Variants in PIR observed in about 807,000 individuals in gnomAD.
The protein encoded by PIR is pirin.
PIR carries 22 observed loss-of-function variants against 24.2 expected under a neutral mutation model. That is an observed-to-expected ratio of 0.91 (90% CI 0.65 to 1.30). The LOEUF (loss-of-function observed/expected upper bound fraction) is 1.30. Ranked by LOEUF, PIR falls within the 50% of genes most tolerant of loss-of-function variation. The pLI is 0.00. For synonymous variants in PIR, 80 were observed against 79.6 expected, an observed-to-expected ratio of 1.00 and a Z score of -0.03; for missense variants, 220 against 220.3, an observed-to-expected ratio of 1.00 and a Z score of 0.01.
intron 7 of PIR, among the ~76,000 whole-genome samples, chrX:15,404,000 T>C (rs1282248720): frequency 9.1e-6 from 1 of 109,997 alleles, no homozygotes; most frequent in African/African-American, 3.3e-5. Context: ...TTTCTTTTTT[T>C]TTTTTTTTTC....
rs1038708008 is a variant in PIR, at chrX:15,394,804, A to G, written c.693+2645T>C. 2.7e-5 allele frequency among the ~76,000 whole-genome samples: 3 copies of G among 112,069 alleles called. No homozygotes were observed. The Admixed American group carries it at 2.8e-4, about 11-fold the overall frequency. On this transcript the variant is annotated intron_variant, in intron 8 of 9. Coordinates refer to ENST00000380420, the MANE Select transcript of PIR (RefSeq NM_001018109.3). ...TGATTCCAATCTCTAAGAACTCTGA[A>G]AAAGTTCTAAGATGGAACAGGGAAA... is the stretch of plus-strand genomic sequence containing the variant.
intron 5 of PIR, among the ~76,000 whole-genome samples, chrX:15,449,324 G>A (rs758170473): frequency 4.5e-5 from 5 of 111,694 alleles, no homozygotes; most frequent in African/African-American, 9.8e-5. Flanking sequence ...TGATTCATGC[G>A]GATATTTCCT....
intron 3 of PIR, chrX:15,478,390 C>T (rs768603307): frequency 8.9e-5 from 10 of 112,095 alleles, no homozygotes; most frequent in Non-Finnish European, 1.9e-4. Context: ...TCCGAAAAGA[C>T]CTTGAAGGAT....
intron 3 of PIR, among the ~76,000 whole-genome samples, chrX:15,468,920 T>C (rs1371120975): frequency 8.9e-6 from 1 of 112,569 alleles, no homozygotes; most frequent in Non-Finnish European, 1.9e-5. Flanking sequence ...AAGAAACCAA[T>C]GTTGATACAC....
intron 6 of PIR, 68 bp downstream of exon 6, chrX:15,425,838 C>T (rs954431759): frequency 6.4e-6 from 4 of 624,277 alleles, no homozygotes; most frequent in Non-Finnish European, 1.0e-5. Context: ...GCAAAACAGC[C>T]TCTTGTTGGT....
At chrX:15,388,137 C>G (rs1214768925) in intron 9 of PIR, among the ~76,000 whole-genome samples, 1 of 112,213 alleles carries the variant, frequency 8.9e-6, no homozygotes, top group Non-Finnish European at 1.9e-5. Flanking sequence ...TTGATAGTTA[C>G]CTATAATTCT....
chrX:15,426,257 C>T (rs1290270589), intron 5 of PIR, among the ~76,000 whole-genome samples: 1 of 111,286 alleles, frequency 9.0e-6, no homozygotes, highest in Non-Finnish European at 1.9e-5. Context: ...AAATATAGTC[C>T]AATAGTAACA....
At chrX:15,470,576 T>TTTTCTTTC (rs1250260776) in intron 3 of PIR, among the ~76,000 whole-genome samples, 22 of 87,501 alleles carry the variant, frequency 2.5e-4, no homozygotes, top group African/African-American at 8.9e-4. Flanking sequence ...CCCACTCAAT[T>TTTTCTTTC]TTTCTTTCTT....
intron 3 of PIR, among the ~76,000 whole-genome samples, chrX:15,461,097 G>A (rs952436607): frequency 9.0e-6 from 1 of 111,469 alleles, no homozygotes; most frequent in Non-Finnish European, 1.9e-5. Context: ...GAAAAGAGCC[G>A]CCACTCACCC....
At chrX:15,477,483 A>C (rs1465689560) in intron 3 of PIR, among the ~76,000 whole-genome samples, 1 of 111,963 alleles carries the variant, frequency 8.9e-6, no homozygotes, top group Non-Finnish European at 1.9e-5. Context: ...CACCTTATTT[A>C]ACAAATATTG....
chrX:15,473,895 T>C (rs1465893814), intron 3 of PIR, among the ~76,000 whole-genome samples: 1 of 112,627 alleles, frequency 8.9e-6, no homozygotes, highest in African/African-American at 3.2e-5. Context: ...GAATAAACAT[T>C]TGTTAATAAG....
At chrX:15,467,021 C>CT (rs756620994) in intron 3 of PIR, among the ~76,000 whole-genome samples, 12 of 112,436 alleles carry the variant, frequency 1.1e-4, no homozygotes, top group African/African-American at 3.9e-4. Context: ...AAGGCAGGGA[C>CT]TTTTTTAACT....
chrX:15,482,965 T>A (rs755232370), intron 2 of PIR, among the ~76,000 whole-genome samples: 1 of 110,775 alleles, frequency 9.0e-6, no homozygotes, highest in South Asian at 3.7e-4. Context: ...TCTTTCTTTC[T>A]TATTGTTTTA....
chrX:15,428,895 G>A (rs970945639), intron 5 of PIR, among the ~76,000 whole-genome samples: 4 of 112,115 alleles, frequency 3.6e-5, no homozygotes, highest in Admixed American at 2.8e-4. Flanking sequence ...GAGGGTACTT[G>A]CTGTTGTTTA....
At chrX:15,388,749 A>G (rs1009114133) in intron 9 of PIR, among the ~76,000 whole-genome samples, 3 of 112,334 alleles carry the variant, frequency 2.7e-5, no homozygotes, top group Non-Finnish European at 5.6e-5. Flanking sequence ...AAGAGGAGAA[A>G]GGGTCTTAGG....
At chrX:15,393,218 G>A (rs1298197087) in intron 8 of PIR, among the ~76,000 whole-genome samples, 1 of 111,416 alleles carries the variant, frequency 9.0e-6, no homozygotes, top group Non-Finnish European at 1.9e-5. Flanking sequence ...AGCTCTTCTG[G>A]GTTTACTTAA....
rs1247405467 is a variant in PIR at position 15,482,590 on chromosome X, G to A, written c.97-2769C>T. Among the ~76,000 whole-genome samples the A allele has an allele frequency of 5.4e-5, 6 of 111,658 alleles. No individual in the cohort carries two copies. In the Admixed American group the frequency reaches 5.7e-4, roughly 11 times the overall value. ...GATTTTCTAACATTAAACCAAATTTGCTCTCCTCAGATAATCCAAATTTGG... is the reference window on the plus strand; with the variant it reads ...GATTTTCTAACATTAAACCAAATTTACTCTCCTCAGATAATCCAAATTTGG... On this transcript the variant is annotated intron_variant, in intron 2 of 9. Coordinates refer to ENST00000380420, the MANE Select transcript of PIR (RefSeq NM_001018109.3).
At chrX:15,447,314 T>G (rs369368458) in intron 5 of PIR, among the ~76,000 whole-genome samples, 52 of 65,776 alleles carry the variant, frequency 7.9e-4, no homozygotes, top group African/African-American at 1.4e-3. Context: ...GGTTTTTTGG[T>G]TTTTTTTTTG....
In PIR at chrX:15,456,038, C is replaced by T. The variant is rs201144539; in HGVS notation, c.290G>A (p.Arg97Gln). The change falls in exon 5 of 10, where the codon CGG becomes CAG. Residue 97 changes from arginine to glutamine, a missense_variant. Transcript: ENST00000380420. ...PGDLQWMTAG[R>Q]GILHAEMPCS... The stretch of plus-strand genomic sequence containing the variant: ...AGGCATCTCAGCGTGCAGAATGCCC[C>T]GGCCCGCAGTCATCCACTGCAAACA... 2.1e-5 allele frequency: 25 copies of T among 1,208,382 alleles called. No individual in the cohort carries two copies. Among genetic ancestry groups the T allele is most frequent in the South Asian group, 3.5e-5 (2 of 56,779 alleles).
Sources: gnomAD v4.1 joint callset for allele counts (sites outside exome capture counted in the v4.1 genomes callset) on GRCh38, gnomAD v4.1.1 for gene constraint, MANE v1.5 for transcripts, NCBI Gene and HGNC (gene_info 2026-07-23, HGNC 2026-07-21) for gene names.